Variants in ZNF143 observed in about 807,000 individuals in gnomAD.
ZNF143 encodes SPH-binding factor.
A neutral mutation model predicts 74.1 loss-of-function variants in ZNF143; 49 were observed. The observed-to-expected ratio is 0.66, with a 90% CI of 0.53 to 0.84. ZNF143 has a LOEUF of 0.84. ZNF143 is among the 40% of genes least tolerant of loss of function. The pLI is 0.00. For synonymous variants in ZNF143, 304 were observed against 282.8 expected (o/e 1.07, Z -0.75); for missense variants, 637 against 793.4 (o/e 0.80, Z 2.37).
At chr11:9,494,571 C>G in intron 7 of ZNF143, 75 bp from the exon 8 acceptor site, 4 of 1,470,472 alleles carry the variant, frequency 2.7e-6, no homozygotes, top group Non-Finnish European at 3.7e-6. Flanking sequence ...TCTGCCTCCC[C>G]ATGTGCTAAG....
intron 7 of ZNF143, among the ~76,000 whole-genome samples, chr11:9,486,445 T>TATAATATATTATATATATAATATATTA (rs374989379): frequency 2.0e-4 from 7 of 35,456 alleles, no homozygotes; most frequent in African/African-American, 3.8e-4. Flanking sequence ...ATATAATATA[T>TATAATATATTATATATATAATATATTA]TATATATATT....
chr11:9,512,513 G>T lies in ZNF143; in HGVS notation c.1441G>T (p.Val481Phe), dbSNP rs150012207. Residue 481 changes from valine to phenylalanine, a missense_variant, in exon 13 of 16, where the codon GTT (valine) becomes TTT (phenylalanine). Coordinates refer to ENST00000396602, the MANE Select transcript of ZNF143 (RefSeq NM_003442.6). ...TYVTGVEGDD[V>F]VSTQVATVTQ... ...TGTTACAGGTGTAGAAGGGGACGACGTTGTTTCTACACAAGTAGCCACAGT... is the reference window on the plus strand; with the variant it reads ...TGTTACAGGTGTAGAAGGGGACGACTTTGTTTCTACACAAGTAGCCACAGT... The T allele has an allele frequency of 2.0e-5, 32 of 1,614,028 alleles. No homozygotes were observed. Among genetic ancestry groups the T allele is most frequent in the African/African-American group, 2.7e-5 (2 of 74,924 alleles).
rs369495387 is a variant in ZNF143 at position 9,474,467 on chromosome 11, T to C, written c.290-83T>C. On this transcript the variant is annotated intron_variant, in intron 4 of 15. Transcript: ENST00000396602. ...AGTATAGATTGTTATAATGTGTTAA[T>C]GGTTTATTGACTCTTGTTGCTAAGT... 8.5e-5 allele frequency: 114 copies of C among 1,341,384 alleles called. No individual in the cohort carries two copies. The East Asian group carries it at 1.9e-3, about 22-fold the overall frequency. 83.1% of individuals were successfully genotyped at this position (1,341,384 alleles called of 1,614,324 possible). A position where few individuals can be genotyped will look rare whatever the true frequency, so the allele number is the denominator to read the frequency against.
At chr11:9,467,552 G>T (rs1371228244) in intron 1 of ZNF143, among the ~76,000 whole-genome samples, 3 of 151,926 alleles carry the variant, frequency 2.0e-5, no homozygotes, top group African/African-American at 4.8e-5. Context: ...ATTTTAAAGG[G>T]TGAAAATCAT....
In ZNF143 at chr11:9,497,695, G is replaced by A. The variant is rs769531256; in HGVS notation, c.862G>A (p.Val288Ile). The stretch of plus-strand genomic sequence containing the variant: ...TAAAGGTTATGGATTAAAAAGTCAC[G>A]TCAGAACTCATACAGGAGAAAAGCC... ...FATGYGLKSH[V>I]RTHTGEKPYR... The change falls in exon 10 of 16, where the codon GTC becomes ATC. Residue 288 changes from valine to isoleucine, a missense_variant. Coordinates refer to ENST00000396602, the MANE Select transcript of ZNF143 (RefSeq NM_003442.6). The A allele has an allele frequency of 7.5e-6, 12 of 1,606,030 alleles. No individual in the cohort carries two copies. The highest frequency in any genetic ancestry group is 3.3e-5 in the South Asian group (3 of 90,384).
At chr11:9,494,225 C>T (rs932436027) in intron 7 of ZNF143, among the ~76,000 whole-genome samples, 1 of 152,148 alleles carries the variant, frequency 6.6e-6, no homozygotes, top group Non-Finnish European at 1.5e-5. Context: ...AAAGTGATGA[C>T]CTGAGATTGG....
At chr11:9,526,979 C>CA (rs1216499510) in intron 15 of ZNF143, among the ~76,000 whole-genome samples, 2 of 152,178 alleles carry the variant, frequency 1.3e-5, no homozygotes, top group Non-Finnish European at 2.9e-5. Context: ...CACCCATCAC[C>CA]ACGCCCAGCA....
At chr11:9,491,255 C>CT (rs200558663) in intron 7 of ZNF143, among the ~76,000 whole-genome samples, 23,277 of 147,064 alleles carry the variant, frequency 0.16, 1,999 homozygotes, top group African/African-American at 0.21. Context: ...ATTTTACATA[C>CT]TTTTTTTTTT....
intron 5 of ZNF143, among the ~76,000 whole-genome samples, chr11:9,475,763 A>G (rs557507250): frequency 6.6e-6 from 1 of 152,190 alleles, no homozygotes; most frequent in Admixed American, 6.6e-5. Context: ...CAGTTGTGGT[A>G]GTGCATGCCT....
In ZNF143 at chr11:9,471,258, C is replaced by T. The variant is rs368378303; in HGVS notation, c.-7-44C>T. The T allele has an allele frequency of 1.1e-5, 16 of 1,454,206 alleles. No homozygotes were observed. Among genetic ancestry groups the T allele is most frequent in the African/African-American group, 4.3e-5 (3 of 70,238 alleles). The allele number at this position is 1,454,206 out of a possible 1,614,324, so 90.1% of individuals were successfully genotyped here. ...AATATTCTTTGTAACTTTCATTTCACATGTATCATTCTTTGTTCCCAAGTG... is the reference window on the plus strand; with the variant it reads ...AATATTCTTTGTAACTTTCATTTCATATGTATCATTCTTTGTTCCCAAGTG... On this transcript the variant is annotated intron_variant, in intron 1 of 15. Coordinates refer to ENST00000396602, the MANE Select transcript of ZNF143 (RefSeq NM_003442.6).
intron 14 of ZNF143, among the ~76,000 whole-genome samples, chr11:9,517,485 G>A (rs1406021907): frequency 6.6e-6 from 1 of 152,124 alleles, no homozygotes; most frequent in African/African-American, 2.4e-5. Flanking sequence ...ATTCGTAATT[G>A]TGATCAGTGT....
At chr11:9,475,910 A>ATGTGTGTGTGTGTGTGTG (rs61636956) in intron 5 of ZNF143, among the ~76,000 whole-genome samples, 2 of 137,288 alleles carry the variant, frequency 1.5e-5, no homozygotes, top group African/African-American at 2.8e-5. Context: ...AAAAATATAT[A>ATGTGTGTGTGTGTGTGTG]TGTGTGTGTG....
intron 7 of ZNF143, among the ~76,000 whole-genome samples, chr11:9,483,507 A>G (rs1349503893): frequency 3.3e-5 from 5 of 149,768 alleles, no homozygotes; most frequent in African/African-American, 5.0e-5. Context: ...CATGCTGGCC[A>G]GGCTGGTCTC....
At chr11:9,467,238 T>G (rs1260826167) in intron 1 of ZNF143, among the ~76,000 whole-genome samples, 1 of 636 alleles carries the variant, frequency 1.6e-3, no homozygotes, top group African/African-American at 2.4e-3. Context: ...AAGGAAAGTG[T>G]TTTTTTTTTT....
At chr11:9,476,106 G>C (rs1379142738) in intron 5 of ZNF143, among the ~76,000 whole-genome samples, 1 of 152,018 alleles carries the variant, frequency 6.6e-6, no homozygotes, top group Admixed American at 6.6e-5. Context: ...GAATGTCTAG[G>C]AATGATGAGT....
intron 1 of ZNF143, among the ~76,000 whole-genome samples, chr11:9,464,487 G>A (rs375394665): frequency 1.3e-5 from 2 of 152,160 alleles, no homozygotes; most frequent in East Asian, 3.9e-4. Flanking sequence ...TTTAATCCCA[G>A]CTACTCGGGA....
chr11:9,477,640 C>T (rs989551396), intron 5 of ZNF143, among the ~76,000 whole-genome samples: 12 of 151,826 alleles, frequency 7.9e-5, no homozygotes, highest in African/African-American at 7.2e-5. Context: ...ATATATATAT[C>T]GATATAAAAT....
Position 9,504,579 on chromosome 11 carries a change from G to GT in ZNF143, c.1147+3313dup, listed in dbSNP as rs1366417347. On this transcript the variant is annotated intron_variant, in intron 11 of 15. Transcript: ENST00000396602. ...TGAGCGTAAGGCAGGATATGCATTA[G>GT]TTTTATAAGAAAAATTTTAATATAT... Among the ~76,000 whole-genome samples, 11 of 124,188 alleles carry GT rather than the reference G, an allele frequency of 8.9e-5. 4 individuals carry two copies. Among genetic ancestry groups the GT allele is most frequent in the Admixed American group, 8.5e-4 (10 of 11,730 alleles). The allele number at this position is 124,188 out of a possible 152,430, so 81.5% of individuals were successfully genotyped here. A position where few individuals can be genotyped will look rare whatever the true frequency, so the allele number is the denominator to read the frequency against.
chr11:9,494,889 G>A (rs1158193199), intron 8 of ZNF143, 124 bp downstream of exon 8: 1 of 1,016,690 alleles, frequency 9.8e-7, no homozygotes, highest in African/African-American at 1.6e-5. Flanking sequence ...CTGGCACTTG[G>A]TCACACTCAT....
Sources: gnomAD v4.1 joint callset for allele counts (sites outside exome capture counted in the v4.1 genomes callset) on GRCh38, gnomAD v4.1.1 for gene constraint, MANE v1.5 for transcripts, NCBI Gene and HGNC (gene_info 2026-07-23, HGNC 2026-07-21) for gene names.